UBAC2: variants seen among roughly 807,000 people sequenced by gnomAD.
UBAC2 encodes the protein ubiquitin-associated domain-containing protein 2.
In UBAC2, 26 loss-of-function variants were observed where a neutral mutation model predicts 44.0. The ratio of observed to expected loss-of-function variants is 0.59; its 90% CI spans 0.43 to 0.82. The LOEUF (loss-of-function observed/expected upper bound fraction) is 0.82. UBAC2 is among the 40% of genes least tolerant of loss of function. UBAC2 has a pLI of 0.00. For missense variants in UBAC2, 329 were observed against 419.4 expected, an observed-to-expected ratio of 0.78 and a Z score of 1.88; for synonymous variants, 155 against 154.3, an observed-to-expected ratio of 1.00 and a Z score of -0.04.
At chr13:99,271,671 T>C (rs2043817659) in intron 4 of UBAC2, among the ~76,000 whole-genome samples, 1 of 152,238 alleles carries the variant, frequency 6.6e-6, no homozygotes, top group African/African-American at 2.4e-5. Flanking sequence ...TTTTCACTTC[T>C]GCTTCTCAGG....
At chr13:99,311,015 AGGAAGGGGGCTTTTT>A (rs2044404836) in intron 4 of UBAC2, among the ~76,000 whole-genome samples, 1 of 152,222 alleles carries the variant, frequency 6.6e-6, no homozygotes, top group Admixed American at 6.5e-5. Context: ...AATGATAAAA[AGGAAGGGGGCTTTTT>A]AAAACAAAAG....
At chr13:99,239,764 A>G (rs1375111140) in intron 2 of UBAC2, among the ~76,000 whole-genome samples, 1 of 152,216 alleles carries the variant, frequency 6.6e-6, no homozygotes, top group African/African-American at 2.4e-5. Flanking sequence ...AGAGGCTCTC[A>G]GTGTGTATTC....
chr13:99,367,437 C>G (rs1013193758), intron 7 of UBAC2, among the ~76,000 whole-genome samples: 1 of 152,176 alleles, frequency 6.6e-6, no homozygotes, highest in African/African-American at 2.4e-5. Context: ...AAGCCCTGAG[C>G]TCCTAAGAGT....
chr13:99,218,578 A>G (rs964920397), intron 1 of UBAC2, among the ~76,000 whole-genome samples: 1 of 151,464 alleles, frequency 6.6e-6, no homozygotes, highest in African/African-American at 2.4e-5. Context: ...CTTCGATAAC[A>G]AGTGTTTATT....
chr13:99,287,643 C>CTT (rs11304203), intron 4 of UBAC2, among the ~76,000 whole-genome samples: 1,519 of 95,012 alleles, frequency 0.016, 54 homozygotes, highest in African/African-American at 0.061. Flanking sequence ...TTTTTTCTTT[C>CTT]TTTTTTTTTT....
chr13:99,254,602 C>G (rs1415855635), intron 4 of UBAC2: 1 of 254,288 alleles, frequency 3.9e-6, no homozygotes, highest in Non-Finnish European at 7.4e-6. Context: ...CTCGATTTCC[C>G]CCCTACTGAC....
intron 7 of UBAC2, among the ~76,000 whole-genome samples, chr13:99,345,012 G>A (rs2044952431): frequency 6.6e-6 from 1 of 152,190 alleles, no homozygotes; most frequent in African/African-American, 2.4e-5. Context: ...AGCCACTGGT[G>A]TGGACTGATG....
At chr13:99,376,850 A>T (rs940064115) in intron 8 of UBAC2, 2 of 152,208 alleles carry the variant, frequency 1.3e-5, no homozygotes, top group Admixed American at 6.5e-5. Context: ...GTGCTCTGAG[A>T]TGGAGAGGGA....
intron 6 of UBAC2, among the ~76,000 whole-genome samples, chr13:99,326,770 T>G (rs559939768): frequency 2.0e-4 from 31 of 152,236 alleles, no homozygotes; most frequent in African/African-American, 7.5e-4. Flanking sequence ...ACACTGCACA[T>G]CTCAAGGCTC....
chr13:99,276,346 G>C (rs907670299), intron 4 of UBAC2, among the ~76,000 whole-genome samples: 1 of 152,198 alleles, frequency 6.6e-6, no homozygotes, highest in South Asian at 2.1e-4. Context: ...TGACTGACCC[G>C]CTGTAAATTG....
intron 4 of UBAC2, among the ~76,000 whole-genome samples, chr13:99,276,372 T>C (rs937020870): frequency 1.3e-5 from 2 of 152,194 alleles, no homozygotes; most frequent in African/African-American, 4.8e-5. Context: ...TCCCACAAGG[T>C]CTGTACCCCC....
intron 4 of UBAC2, among the ~76,000 whole-genome samples, chr13:99,272,373 C>T (rs572487115): frequency 1.3e-5 from 2 of 152,302 alleles, no homozygotes; most frequent in East Asian, 3.9e-4. Context: ...TCATGGCCAC[C>T]TTGTTTTATC....
At position 99,219,130 on chromosome 13, in the gene UBAC2, GCTC is replaced by G. The variant is rs917439321; in HGVS notation, c.31+18198_31+18200del. Among the ~76,000 whole-genome samples the G allele has an allele frequency of 4.0e-4, 61 of 152,272 alleles. 1 individual carries two copies. The highest frequency in any genetic ancestry group is 7.8e-4 in the Non-Finnish European group (53 of 68,016). ...ACCAATGTTGTGGTAGGATATGGCG[GCTC>G]CTCCTCTCAAGGGTGTGAACCATAC... On this transcript the variant is annotated intron_variant, in intron 1 of 8. Transcript: ENST00000403766.
intron 4 of UBAC2, among the ~76,000 whole-genome samples, chr13:99,257,932 G>A (rs2043594870): frequency 6.6e-6 from 1 of 152,102 alleles, no homozygotes; most frequent in Admixed American, 6.5e-5. Flanking sequence ...AGTTTGTTAT[G>A]TTTATTTTTT....
chr13:99,312,023 C>T (rs1296098784), intron 4 of UBAC2, among the ~76,000 whole-genome samples: 4 of 152,240 alleles, frequency 2.6e-5, no homozygotes, highest in African/African-American at 9.6e-5. Flanking sequence ...TGCACTTAGG[C>T]CTTACTGGCT....
intron 4 of UBAC2, among the ~76,000 whole-genome samples, chr13:99,283,494 T>G (rs2043979150): frequency 1.3e-5 from 2 of 152,138 alleles, no homozygotes; most frequent in Non-Finnish European, 2.9e-5. Flanking sequence ...AGAGCCTTGT[T>G]TGACATATGT....
intron 4 of UBAC2, chr13:99,261,860 A>G (rs2043667373): frequency 1.3e-5 from 2 of 152,288 alleles, no homozygotes; most frequent in African/African-American, 4.8e-5. Flanking sequence ...AGAGGTGCAA[A>G]TGGAGATGGG....
intron 4 of UBAC2, among the ~76,000 whole-genome samples, chr13:99,302,543 G>T (rs949137336): frequency 2.6e-5 from 4 of 152,160 alleles, no homozygotes; most frequent in Non-Finnish European, 5.9e-5. Context: ...GTTCAAACAG[G>T]GGCATCTAAA....
chr13:99,338,039 C>CTTTTTTCTTTTTTTTTTT lies in UBAC2; in HGVS notation c.562-2275_562-2274insCTTTTTTTTTTTTTTTTT, dbSNP rs1566509471. Among the ~76,000 whole-genome samples the CTTTTTTCTTTTTTTTTTT allele has an allele frequency of 5.8e-4, 53 of 91,552 alleles. 2 individuals carry two copies. Among genetic ancestry groups the CTTTTTTCTTTTTTTTTTT allele is most frequent in the African/African-American group, 1.4e-3 (28 of 19,854 alleles). The allele number at this position is 91,552 out of a possible 152,430, so 60.1% of individuals were successfully genotyped here. A position where few individuals can be genotyped will look rare whatever the true frequency, so the allele number is the denominator to read the frequency against. ...GCAAAAAAATCTCCTAACTTTTTTT[C>CTTTTTTCTTTTTTTTTTT]TTTTTTTCTTTTTTTTTTTTTTTTT... is the stretch of plus-strand genomic sequence containing the variant. On this transcript the variant is annotated intron_variant, in intron 6 of 8. Coordinates refer to ENST00000403766, the MANE Select transcript of UBAC2 (RefSeq NM_001144072.2).
Sources: allele counts gnomAD v4.1 joint callset (sites outside exome capture counted in the v4.1 genomes callset), GRCh38; gene constraint gnomAD v4.1.1; transcripts MANE v1.5; gene names NCBI Gene and HGNC (gene_info 2026-07-23, HGNC 2026-07-21).